Variants in GLI3 observed in about 807,000 individuals in gnomAD.
The protein encoded by GLI3 is transcription activator GLI3.
In GLI3, 20 loss-of-function variants were observed where a neutral mutation model predicts 100.8. The observed-to-expected ratio is 0.20, with a 90% confidence interval of 0.14 to 0.29. The LOEUF (loss-of-function observed/expected upper bound fraction) is 0.29. GLI3 is among the 10% of genes least tolerant of loss of function. The pLI, the probability that GLI3 is intolerant of heterozygous loss-of-function variation, is 1.00. For missense variants in GLI3, 2,040 were observed against 2,128.5 expected (o/e 0.96, Z 0.82); for synonymous variants, 938 against 860.5 (o/e 1.09, Z -1.58).
At chr7:42,044,324 G>GTT (rs1177438056) in intron 6 of GLI3, among the ~76,000 whole-genome samples, 1 of 152,226 alleles carries the variant, frequency 6.6e-6, no homozygotes, top group African/African-American at 2.4e-5. Context: ...TTTTGCTGAT[G>GTT]TATGACTTGG....
chr7:42,018,295 T>A (rs1788827382), intron 10 of GLI3, among the ~76,000 whole-genome samples: 1 of 152,216 alleles, frequency 6.6e-6, no homozygotes, highest in East Asian at 1.9e-4. Flanking sequence ...CCGAATTAAC[T>A]AGCAACTCCA....
chr7:42,051,258 A>G (rs1175747958), intron 4 of GLI3, among the ~76,000 whole-genome samples: 1 of 152,218 alleles, frequency 6.6e-6, no homozygotes, highest in Non-Finnish European at 1.5e-5. Context: ...TTCTAGATAC[A>G]GATGTATCCA....
intron 3 of GLI3, among the ~76,000 whole-genome samples, chr7:42,090,573 C>G (rs1164803972): frequency 6.6e-6 from 1 of 152,178 alleles, no homozygotes; most frequent in East Asian, 1.9e-4. Flanking sequence ...TGCAAGTAAT[C>G]TGAAGGTTCA....
chr7:41,967,853 T>C lies in GLI3; in HGVS notation c.2174A>G (p.Asn725Ser). 4.3e-6 allele frequency: 7 copies of C among 1,613,988 alleles called. No individual in the cohort carries two copies. The highest frequency in any genetic ancestry group is 5.9e-6 in the Non-Finnish European group (7 of 1,179,986). The change falls in exon 14 of 15, where the codon AAC (asparagine) becomes AGC (serine). Residue 725 changes from asparagine (N) to serine (S), a missense_variant. By Grantham distance (46) the Asn-to-Ser change is conservative. Around this residue, in one of 5 missense-constraint regions of GLI3, gnomAD observed 327 missense variants for 338.7 expected, o/e 0.97. Coordinates refer to ENST00000395925, the MANE Select transcript of GLI3 (RefSeq NM_000168.6). ...SQQSPISNYS[N>S]SGLELPLTDG... ...GGTCAGAGGAAGCTCGAGCCCACTG[T>C]TGGAATAGTTGCTGATGGGGGACTG...
At position 42,080,009 on chromosome 7, in the gene GLI3, G is replaced by A. The variant is rs191758606; in HGVS notation, c.368-3152C>T. Among the ~76,000 whole-genome samples the A allele has an allele frequency of 1.6e-3, 244 of 152,258 alleles. 2 individuals carry two copies. The highest frequency in any genetic ancestry group is 4.9e-4 in the Non-Finnish European group (33 of 68,024). On this transcript the variant is annotated intron_variant, in intron 3 of 14. Transcript: ENST00000395925. ...CAGTTAATCCCATAAAATCAAAAGC[G>A]TGTACCCAACAAGTATAAAATTATC...
intron 10 of GLI3, among the ~76,000 whole-genome samples, chr7:41,983,175 GCT>G (rs1258817540): frequency 3.9e-5 from 6 of 152,212 alleles, no homozygotes; most frequent in South Asian, 2.1e-4. Context: ...AAGTGGATGA[GCT>G]CTGTTTCCTT....
chr7:41,997,387 A>C (rs1353556441), intron 10 of GLI3, among the ~76,000 whole-genome samples: 1 of 152,140 alleles, frequency 6.6e-6, no homozygotes, highest in Non-Finnish European at 1.5e-5. Flanking sequence ...TACACTAGGC[A>C]TGGCTGGGAC....
intron 3 of GLI3, among the ~76,000 whole-genome samples, chr7:42,130,498 A>G (rs1018253657): frequency 6.6e-6 from 1 of 152,264 alleles, no homozygotes; most frequent in Non-Finnish European, 1.5e-5. Flanking sequence ...TAAAGTTCTT[A>G]GAAATTAAGA....
intron 2 of GLI3, among the ~76,000 whole-genome samples, chr7:42,213,419 T>C (rs1788309520): frequency 6.6e-6 from 1 of 152,180 alleles, no homozygotes; most frequent in South Asian, 2.1e-4. Flanking sequence ...CCCTCCCTAT[T>C]TGTAATAGCA....
At chr7:42,253,829 A>C (rs982791896) in intron 1 of GLI3, among the ~76,000 whole-genome samples, 1 of 152,198 alleles carries the variant, frequency 6.6e-6, no homozygotes, top group Admixed American at 6.5e-5. Flanking sequence ...TAGTGACTGA[A>C]TTTTGATACA....
chr7:42,014,356 G>A (rs1194727709), intron 10 of GLI3, among the ~76,000 whole-genome samples: 4 of 152,118 alleles, frequency 2.6e-5, no homozygotes, highest in African/African-American at 9.7e-5. Flanking sequence ...TGCTCTAACT[G>A]CATTACTTAT....
rs1057480069 is a variant in GLI3, at chr7:41,966,122, G to C, written c.2951C>G (p.Ala984Gly). The change falls in exon 15 of 15, where the codon GCC (alanine) becomes GGC (glycine). Residue 984 changes from alanine to glycine, a missense_variant. This residue lies in a region of GLI3 where 1,041 missense variants were observed against 924.0 expected (regional missense o/e 1.13). Coordinates refer to ENST00000395925, the MANE Select transcript of GLI3 (RefSeq NM_000168.6). This position sits in a 1 kb window ranked among gnomAD's most constrained non-coding sequence, Gnocchi z 5.8. Reference sequence around the variant, plus strand: ...CAGGTGGCGCCGCCCGTAGCCGTGGGCTCCCCCGTCGCTGCACCTCCTCGG... The same window carrying C: ...CAGGTGGCGCCGCCCGTAGCCGTGGCCTCCCCCGTCGCTGCACCTCCTCGG... Reference protein sequence around the residue: ...HAPRRCSDGGAHGYGRRHLQP... With the variant: ...HAPRRCSDGGGHGYGRRHLQP... The C allele has an allele frequency of 6.3e-7, 1 of 1,581,592 alleles. No individual in the cohort carries two copies. The highest frequency in any genetic ancestry group is 2.3e-5 in the East Asian group (1 of 43,634).
intron 10 of GLI3, among the ~76,000 whole-genome samples, chr7:42,004,037 T>C (rs528882010): frequency 1.1e-4 from 17 of 152,286 alleles, no homozygotes; most frequent in Admixed American, 7.2e-4. Flanking sequence ...GTAATCTCTA[T>C]GTGGCAAACA....
intron 7 of GLI3, among the ~76,000 whole-genome samples, chr7:42,032,083 C>G (rs896896684): frequency 2.0e-5 from 3 of 152,146 alleles, no homozygotes; most frequent in African/African-American, 4.8e-5. Flanking sequence ...CTGGGAATCT[C>G]AAAAACTATA....
intron 2 of GLI3, among the ~76,000 whole-genome samples, chr7:42,166,460 G>T (rs1418652118): frequency 6.6e-6 from 1 of 152,072 alleles, no homozygotes; most frequent in Admixed American, 6.6e-5. Context: ...GCATCTTTCT[G>T]ATCGGGATGA....
At position 42,156,504 on chromosome 7, in the gene GLI3, A is replaced by G. The variant is rs560959804; in HGVS notation, c.125-8036T>C. Among the ~76,000 whole-genome samples the G allele has an allele frequency of 1.1e-4, 17 of 152,334 alleles. No homozygotes were observed. The East Asian group carries it at 2.9e-3, about 26-fold the overall frequency. The stretch of plus-strand genomic sequence containing the variant: ...AATTCAGTTTTAGTCTTTGACAAGC[A>G]AAGAATGAAGAGTCTCTCTTTCTTA... On this transcript the variant is annotated intron_variant, in intron 2 of 14. Coordinates refer to ENST00000395925, the MANE Select transcript of GLI3 (RefSeq NM_000168.6).
chr7:42,070,249 T>G (rs181907676), intron 4 of GLI3, among the ~76,000 whole-genome samples: 106 of 152,370 alleles, frequency 7.0e-4, no homozygotes, highest in Non-Finnish European at 1.3e-3. Flanking sequence ...ATTTTTGGGT[T>G]ACTCAATAGG....
At chr7:42,013,521 G>A (rs1788676402) in intron 10 of GLI3, among the ~76,000 whole-genome samples, 1 of 151,894 alleles carries the variant, frequency 6.6e-6, no homozygotes, top group African/African-American at 2.4e-5. Context: ...GCCTCACCAT[G>A]TTCGGCTAAA....
chr7:42,113,683 T>A, intron 3 of GLI3: 1 of 729,298 alleles, frequency 1.4e-6, no homozygotes, highest in Non-Finnish European at 2.5e-6. Flanking sequence ...AAATACTATT[T>A]TTTATCAAGT....
Sources: gnomAD v4.1 joint callset for allele counts (sites outside exome capture counted in the v4.1 genomes callset) on GRCh38, gnomAD v4.1.1 for gene constraint, gnomAD v4.1.1 regional missense constraint, Gnocchi (gnomAD v3.1) non-coding constraint, MANE v1.5 for transcripts, NCBI Gene and HGNC (gene_info 2026-07-23, HGNC 2026-07-21) for gene names.